Variants in PI4K2B observed in about 807,000 individuals in gnomAD.
PI4K2B encodes phosphatidylinositol 4-kinase type 2-beta.
In PI4K2B, 46 loss-of-function variants were observed where a neutral mutation model predicts 56.6. That is an observed-to-expected ratio of 0.81 (90% confidence interval 0.64 to 1.04). PI4K2B has a LOEUF of 1.04. Among genes scored for constraint, PI4K2B ranks in the 50% least tolerant of loss-of-function variants. The probability of loss-of-function intolerance (pLI) is 0.00; values close to 1 mark genes in which losing one functional copy is unlikely to be tolerated. For synonymous variants in PI4K2B, 211 were observed against 223.8 expected, an observed-to-expected ratio of 0.94 and a Z score of 0.51; for missense variants, 556 against 607.7, an observed-to-expected ratio of 0.91 and a Z score of 0.89.
chr4:25,274,227 T>C (rs16876970), intron 9 of PI4K2B, among the ~76,000 whole-genome samples: 2,493 of 152,218 alleles, frequency 0.016, 63 homozygotes, highest in African/African-American at 0.053. Flanking sequence ...CCCACGGAAA[T>C]TTAAAGACCA....
chr4:25,239,915 G>A (rs895679406), intron 1 of PI4K2B, among the ~76,000 whole-genome samples: 3 of 152,224 alleles, frequency 2.0e-5, no homozygotes, highest in Non-Finnish European at 2.9e-5. Context: ...GTCCTCCAGA[G>A]GGGAGCTCTC....
intron 3 of PI4K2B, among the ~76,000 whole-genome samples, chr4:25,255,903 C>T (rs771979605): frequency 2.0e-5 from 3 of 150,924 alleles, no homozygotes; most frequent in Non-Finnish European, 4.4e-5. Context: ...TACCATCATG[C>T]GCCTGGCACC....
intron 9 of PI4K2B, among the ~76,000 whole-genome samples, chr4:25,271,599 T>G (rs527936846): frequency 6.6e-6 from 1 of 152,184 alleles, no homozygotes; most frequent in South Asian, 2.1e-4. Flanking sequence ...TGTTGCAGAG[T>G]TTTGCCATCC....
intron 1 of PI4K2B, among the ~76,000 whole-genome samples, chr4:25,247,709 T>G (rs1235630419): frequency 6.6e-6 from 1 of 152,040 alleles, no homozygotes; most frequent in Non-Finnish European, 1.5e-5. Context: ...CACCTCAAGT[T>G]TCTTTTTTTT....
intron 9 of PI4K2B, chr4:25,276,314 T>A (rs1717091419): frequency 5.4e-6 from 2 of 373,278 alleles, no homozygotes; most frequent in South Asian, 2.2e-4. Flanking sequence ...TGATATGTAA[T>A]ATATTTTACT....
intron 7 of PI4K2B, among the ~76,000 whole-genome samples, chr4:25,265,143 C>T (rs936228938): frequency 1.4e-4 from 19 of 131,232 alleles, no homozygotes; most frequent in Admixed American, 1.4e-3. Context: ...TGCTGTGAGC[C>T]GAGATCGCGC....
intron 4 of PI4K2B, 57 bp from the exon 5 acceptor site, chr4:25,258,980 A>G: frequency 2.3e-6 from 2 of 872,862 alleles, no homozygotes; most frequent in South Asian, 3.6e-5. Context: ...AGAAATATAA[A>G]TATTAATCCC....
At chr4:25,252,205 C>A in intron 1 of PI4K2B, 116 bp from the exon 2 acceptor site, 1 of 675,524 alleles carries the variant, frequency 1.5e-6, no homozygotes, top group Non-Finnish European at 2.5e-6. Context: ...TTAGAGCAGT[C>A]TATACAAATC....
At chr4:25,234,459 G>A (rs1257296305) in intron 1 of PI4K2B, 28 bp downstream of exon 1, 2 of 1,254,358 alleles carry the variant, frequency 1.6e-6, no homozygotes, top group East Asian at 3.2e-5. Context: ...CCCACTCCCC[G>A]CGCCCCTCCG....
At chr4:25,261,694 G>T (rs1053030660) in intron 6 of PI4K2B, among the ~76,000 whole-genome samples, 3 of 151,676 alleles carry the variant, frequency 2.0e-5, no homozygotes, top group Non-Finnish European at 4.4e-5. Context: ...TTAAAATTAT[G>T]CTGAGTGAAA....
intron 1 of PI4K2B, among the ~76,000 whole-genome samples, chr4:25,246,852 C>T (rs77433354): frequency 0.074 from 11,271 of 152,264 alleles, 480 homozygotes; most frequent in East Asian, 0.12. Flanking sequence ...CAGCTGCTGG[C>T]GCGGGTGCTA....
chr4:25,262,247 G>A (rs1285535416), intron 6 of PI4K2B, among the ~76,000 whole-genome samples: 1 of 152,174 alleles, frequency 6.6e-6, no homozygotes, highest in Non-Finnish European at 1.5e-5. Flanking sequence ...AGGCTGAGGT[G>A]GGAGGATTGC....
intron 9 of PI4K2B, among the ~76,000 whole-genome samples, chr4:25,269,499 T>G (rs1716789752): frequency 1.3e-5 from 2 of 151,546 alleles, no homozygotes; most frequent in African/African-American, 4.8e-5. Flanking sequence ...ATTAGCTGGG[T>G]GTGGTGGCGG....
At chr4:25,241,634 C>T (rs1715530089) in intron 1 of PI4K2B, among the ~76,000 whole-genome samples, 1 of 152,208 alleles carries the variant, frequency 6.6e-6, no homozygotes, top group Admixed American at 6.5e-5. Context: ...GTAGTCCAGA[C>T]AGTGAGATCC....
intron 1 of PI4K2B, among the ~76,000 whole-genome samples, chr4:25,238,801 G>A (rs1256406934): frequency 1.3e-5 from 2 of 152,120 alleles, no homozygotes; most frequent in Non-Finnish European, 1.5e-5. Flanking sequence ...TGCAAAGAGC[G>A]AAAGAACAAA....
At chr4:25,255,396 G>C in intron 3 of PI4K2B, 131 bp downstream of exon 3, 3 of 687,732 alleles carry the variant, frequency 4.4e-6, no homozygotes, top group Non-Finnish European at 7.4e-6. Context: ...CAAGAGTCAT[G>C]AGTGACTGGT....
intron 9 of PI4K2B, among the ~76,000 whole-genome samples, chr4:25,272,862 C>G (rs1331676512): frequency 6.7e-6 from 1 of 148,604 alleles, no homozygotes; most frequent in Non-Finnish European, 1.5e-5. Flanking sequence ...GACCTTGTCT[C>G]TAAAAAAAAA....
chr4:25,241,503 G>A (rs1715523319), intron 1 of PI4K2B, among the ~76,000 whole-genome samples: 1 of 152,194 alleles, frequency 6.6e-6, no homozygotes, highest in Admixed American at 6.5e-5. Flanking sequence ...CAGGGTTGAG[G>A]GCCATGCATG....
At chr4:25,272,880 T>G (rs943027434) in intron 9 of PI4K2B, among the ~76,000 whole-genome samples, 2 of 151,906 alleles carry the variant, frequency 1.3e-5, no homozygotes, top group African/African-American at 4.8e-5. Context: ...AAAAAAAAAT[T>G]TACCTATATT....
Sources: allele counts gnomAD v4.1 joint callset (sites outside exome capture counted in the v4.1 genomes callset), GRCh38; gene constraint gnomAD v4.1.1; transcripts MANE v1.5; gene names NCBI Gene and HGNC (gene_info 2026-07-23, HGNC 2026-07-21).